FBXO44: variants seen among roughly 807,000 people sequenced by gnomAD.
FBXO44 encodes the protein F-box protein 44.
In FBXO44, 25 loss-of-function variants were observed where a neutral mutation model predicts 33.5. That is an observed-to-expected ratio of 0.75 (90% CI 0.54 to 1.04). The LOEUF is 1.04. Among genes scored for constraint, FBXO44 ranks in the 50% least tolerant of loss-of-function variants. FBXO44 has a pLI of 0.00. For synonymous variants in FBXO44, 147 were observed against 152.8 expected, an observed-to-expected ratio of 0.96 and a Z score of 0.28; for missense variants, 311 against 344.0, an observed-to-expected ratio of 0.90 and a Z score of 0.76.
Position 11,658,792 on chromosome 1 carries a change from C to G in FBXO44, c.545C>G (p.Ser182Trp). The G allele has an allele frequency of 6.2e-7, 1 of 1,613,932 alleles. No homozygotes were observed. Among genetic ancestry groups the G allele is most frequent in the African/African-American group, 1.3e-5 (1 of 75,058 alleles). ...SKYQLCVQLL[S>W]SAHAPLGTFQ... ...TACCAGCTGTGCGTTCAGCTCCTGT[C>G]GTCCGCGCACGCGCCTCTGGGGACC... The change falls in exon 5 of 6, where the codon TCG becomes TGG. Residue 182 changes from serine (S) to tryptophan (W), a missense_variant. Transcript: ENST00000251547.
At chr1:11,656,175 A>G (rs1458893433) in intron 2 of FBXO44, 75 bp downstream of exon 2, 1 of 1,564,510 alleles carries the variant, frequency 6.4e-7, no homozygotes, top group Non-Finnish European at 8.7e-7. Flanking sequence ...AGCACTTAGT[A>G]TGAGCCGGGT....
At position 11,661,646 on chromosome 1, in the gene FBXO44, C is replaced by A; in HGVS notation, c.*373C>A. On this transcript the variant is annotated 3_prime_UTR_variant, in exon 6 of 6. Transcript: ENST00000251547. The surrounding 1 kb of genome is among the most constrained non-coding windows in gnomAD (Gnocchi z 4.4). ...GACCATTCTACCTGTGTTCTTTGAC[C>A]CTCGGAGCAGGGACAGGCAAGACAA... 4.0e-6 allele frequency: 1 copy of A among 251,116 alleles called. No homozygotes were observed. The highest frequency in any genetic ancestry group is 5.1e-5 in the Admixed American group (1 of 19,772). 15.6% of individuals were successfully genotyped at this position (251,116 alleles called of 1,614,324 possible).
chr1:11,663,315 C>G lies in FBXO44; in HGVS notation c.*2042C>G, dbSNP rs1640290968. 1 of 152,192 alleles carries G rather than the reference C, an allele frequency of 6.6e-6. No individual in the cohort carries two copies. The highest frequency in any genetic ancestry group is 1.5e-5 in the Non-Finnish European group (1 of 68,048). 9.4% of individuals were successfully genotyped at this position (152,192 alleles called of 1,614,324 possible). A position where few individuals can be genotyped will look rare whatever the true frequency, so the allele number is the denominator to read the frequency against. ...ACTATAAGTCAATTAAACCTCTTTC[C>G]TTTTATAAATCACCCAGTCTCGGGT... is the stretch of plus-strand genomic sequence containing the variant. On this transcript the variant is annotated 3_prime_UTR_variant, in exon 6 of 6. Transcript: ENST00000251547.
chr1:11,656,094 G>T lies in FBXO44; in HGVS notation c.259G>T (p.Ala87Ser), dbSNP rs751841244. The T allele has an allele frequency of 6.2e-7, 1 of 1,613,480 alleles. No homozygotes were observed. Residue 87 changes from alanine to serine, a missense_variant, in exon 2 of 6, where the codon GCT becomes TCT. Coordinates refer to ENST00000251547, the MANE Select transcript of FBXO44 (RefSeq NM_033182.7). ...CAGGAACCTCCTGCACAACCCGTGCGCTGAAGGTGGGGTACAGGCCGGGTC... is the reference window on the plus strand; with the variant it reads ...CAGGAACCTCCTGCACAACCCGTGCTCTGAAGGTGGGGTACAGGCCGGGTC... ...LHRNLLHNPC[A>S]EEGFEFWSLD...
At chr1:11,654,667 C>G (rs1029096787), upstream of FBXO44, 2 of 276,792 alleles carry the variant, frequency 7.2e-6, no homozygotes, top group Non-Finnish European at 1.3e-5. Flanking sequence ...TGGGAGGAGG[C>G]GGCTAGGGGA....
At position 11,655,969 on chromosome 1, in the gene FBXO44, C is replaced by G; in HGVS notation, c.134C>G (p.Thr45Ser). Residue 45 changes from threonine to serine, a missense_variant, in exon 2 of 6, where the codon ACC becomes AGC. Coordinates refer to ENST00000251547, the MANE Select transcript of FBXO44 (RefSeq NM_033182.7). ...SLWRDLIDLV[T>S]LWKRKCLREG... Reference sequence around the variant, plus strand: ...TGGCGGGACCTCATCGACCTCGTGACCCTCTGGAAACGCAAGTGCCTGCGA... The same window carrying G: ...TGGCGGGACCTCATCGACCTCGTGAGCCTCTGGAAACGCAAGTGCCTGCGA... 1 of 1,614,140 alleles carries G rather than the reference C, an allele frequency of 6.2e-7. No homozygotes were observed. Among genetic ancestry groups the G allele is most frequent in the Non-Finnish European group, 8.5e-7 (1 of 1,180,042 alleles).
chr1:11,660,031 GTGA>G (rs1276459415), intron 5 of FBXO44, among the ~76,000 whole-genome samples: 1 of 152,266 alleles, frequency 6.6e-6, no homozygotes, highest in African/African-American at 2.4e-5. Flanking sequence ...ACTTTCTGTA[GTGA>G]TAGAAATGGT....
rs1640150471 is a variant in FBXO44, at chr1:11,661,049, C to G, written c.625-81C>G. ...CCTCCCACCTCAGCCTCCCAAAGTA[C>G]TGGGATTCCCGGTGTGAGCCGCCAC... On this transcript the variant is annotated intron_variant, in intron 5 of 5. Transcript: ENST00000251547. This position sits in a 1 kb window ranked among gnomAD's most constrained non-coding sequence, Gnocchi z 4.4. 1 of 1,443,328 alleles carries G rather than the reference C, an allele frequency of 6.9e-7. No individual in the cohort carries two copies. Among genetic ancestry groups the G allele is most frequent in the Non-Finnish European group, 9.5e-7 (1 of 1,053,698 alleles). 89.4% of individuals were successfully genotyped at this position (1,443,328 alleles called of 1,614,324 possible). A position where few individuals can be genotyped will look rare whatever the true frequency, so the allele number is the denominator to read the frequency against.
rs1191999677 is a variant in FBXO44 at position 11,655,991 on chromosome 1, G to C, written c.156G>C (p.Leu52=). The part of the protein sequence containing the change: ...DLVTLWKRKC[L]REGFITEDWD... ...TGACCCTCTGGAAACGCAAGTGCCT[G>C]CGAGAGGGCTTCATCACTGAGGACT... Residue 52 remains leucine, a synonymous_variant, in exon 2 of 6, where the codon CTG becomes CTC. Transcript: ENST00000251547. 1.2e-6 allele frequency: 2 copies of C among 1,614,072 alleles called. No individual in the cohort carries two copies. The highest frequency in any genetic ancestry group is 2.2e-5 in the East Asian group (1 of 44,894).
At position 11,658,679 on chromosome 1, in the gene FBXO44, C is replaced by T. The variant is rs534641827; in HGVS notation, c.488+51C>T. 8 of 1,603,836 alleles carry T rather than the reference C, an allele frequency of 5.0e-6. No individual in the cohort carries two copies. The Admixed American group carries it at 1.0e-4, about 21-fold the overall frequency. On this transcript the variant is annotated intron_variant, in intron 4 of 5. Transcript: ENST00000251547. Reference sequence around the variant, plus strand: ...GGTGGGGCATGCCAATCAGGCGCCCCACCCCCGCCCTGCCCCCAATCTCCG... The same window carrying T: ...GGTGGGGCATGCCAATCAGGCGCCCTACCCCCGCCCTGCCCCCAATCTCCG...
At position 11,655,795 on chromosome 1, in the gene FBXO44, CT is replaced by C; in HGVS notation, c.-30-7del. 6.2e-7 allele frequency: 1 copy of C among 1,605,238 alleles called. No individual in the cohort carries two copies. The highest frequency in any genetic ancestry group is 8.5e-7 in the Non-Finnish European group (1 of 1,173,648). On this transcript the variant is annotated splice_polypyrimidine_tract_variant and intron_variant, in intron 1 of 5. Transcript: ENST00000251547. ...AGCAGGGATGAGGCCTGCAGCATAG[CT>C]TTTCAACAGCTACAGGAGGGTGTCC...
chr1:11,656,871 A>C (rs1250295165), intron 2 of FBXO44, among the ~76,000 whole-genome samples: 2 of 152,214 alleles, frequency 1.3e-5, no homozygotes, highest in Admixed American at 6.5e-5. Flanking sequence ...AGTCAGAGCC[A>C]TATTTTGTTG....
At position 11,661,110 on chromosome 1, in the gene FBXO44, C is replaced by T. The variant is rs779678650; in HGVS notation, c.625-20C>T. 6.2e-7 allele frequency: 1 copy of T among 1,602,174 alleles called. No individual in the cohort carries two copies. Among genetic ancestry groups the T allele is most frequent in the Non-Finnish European group, 8.5e-7 (1 of 1,171,044 alleles). Reference sequence around the variant, plus strand: ...AGTCAGCTCCCTTGACCTTTCTCCCCCCTCTACCTGCCCTGCCAGGTCTCC... The same window carrying T: ...AGTCAGCTCCCTTGACCTTTCTCCCTCCTCTACCTGCCCTGCCAGGTCTCC... On this transcript the variant is annotated intron_variant, in intron 5 of 5. Coordinates refer to ENST00000251547, the MANE Select transcript of FBXO44 (RefSeq NM_033182.7). This position sits in a 1 kb window ranked among gnomAD's most constrained non-coding sequence, Gnocchi z 4.4.
At chr1:11,656,807 G>A (rs1398336206) in intron 2 of FBXO44, among the ~76,000 whole-genome samples, 2 of 152,122 alleles carry the variant, frequency 1.3e-5, no homozygotes, top group Admixed American at 6.6e-5. Flanking sequence ...CCTTTCCTAG[G>A]CGAGGGAATG....
chr1:11,656,878 G>T (rs923903349), intron 2 of FBXO44, among the ~76,000 whole-genome samples: 1 of 152,210 alleles, frequency 6.6e-6, no homozygotes, highest in Non-Finnish European at 1.5e-5. Context: ...GCCATATTTT[G>T]TTGGCCTAGT....
In FBXO44 at chr1:11,658,280, C is replaced by T. The variant is rs1468111299; in HGVS notation, c.279C>T (p.Phe93=). ...CTTTTCCATCAGAGGGGTTCGAGTT[C>T]TGGAGCCTGGATGTGAATGGAGGCG... is the stretch of plus-strand genomic sequence containing the variant. ...HNPCAEEGFE[F]WSLDVNGGDE... Residue 93 remains phenylalanine (F), a synonymous_variant, in exon 3 of 6, where the codon TTC becomes TTT. Coordinates refer to ENST00000251547, the MANE Select transcript of FBXO44 (RefSeq NM_033182.7). 1.9e-6 allele frequency: 3 copies of T among 1,613,658 alleles called. No individual in the cohort carries two copies. Among genetic ancestry groups the T allele is most frequent in the Non-Finnish European group, 2.5e-6 (3 of 1,179,942 alleles).
At position 11,656,118 on chromosome 1, in the gene FBXO44, T is replaced by C. The variant is rs750876218; in HGVS notation, c.265+18T>C. 1.2e-6 allele frequency: 2 copies of C among 1,611,152 alleles called. No individual in the cohort carries two copies. The highest frequency in any genetic ancestry group is 1.7e-5 in the Admixed American group (1 of 59,924). ...CGCTGAAGGTGGGGTACAGGCCGGG[T>C]CTGGCATGCCTCCAGTACACAGTCA... On this transcript the variant is annotated intron_variant, in intron 2 of 5. Coordinates refer to ENST00000251547, the MANE Select transcript of FBXO44 (RefSeq NM_033182.7).
chr1:11,655,872 A>T lies in FBXO44; in HGVS notation c.37A>T (p.Ile13Phe). 1 of 1,613,852 alleles carries T rather than the reference A, an allele frequency of 6.2e-7. No homozygotes were observed. The highest frequency in any genetic ancestry group is 8.5e-7 in the Non-Finnish European group (1 of 1,179,954). ...VGNINELPENILLELFTHVPA... is the reference protein window; with the variant it reads ...VGNINELPENFLLELFTHVPA... ...GAACATCAACGAGCTGCCCGAGAAC[A>T]TCCTGCTGGAGCTGTTCACGCACGT... Residue 13 changes from isoleucine to phenylalanine, a missense_variant, in exon 2 of 6, where the codon ATC becomes TTC. By Grantham distance (21) the Ile-to-Phe change is conservative. Transcript: ENST00000251547.
intron 5 of FBXO44, among the ~76,000 whole-genome samples, chr1:11,660,817 A>C (rs1640130607): frequency 6.6e-6 from 1 of 151,510 alleles, no homozygotes; most frequent in Admixed American, 6.6e-5. Flanking sequence ...ACACGGTCTC[A>C]CTCTGTTGCC....
Sources: allele counts gnomAD v4.1 joint callset (sites outside exome capture counted in the v4.1 genomes callset), GRCh38; gene constraint gnomAD v4.1.1; non-coding constraint Gnocchi (gnomAD v3.1); transcripts MANE v1.5; gene names NCBI Gene and HGNC (gene_info 2026-07-23, HGNC 2026-07-21).